SEMA3A: variants seen among roughly 807,000 people sequenced by gnomAD.
SEMA3A encodes the protein semaphorin-3A.
Under a neutral mutation model 97.9 loss-of-function variants are expected in SEMA3A, and 29 were observed. That is an observed-to-expected ratio of 0.30 (90% CI 0.22 to 0.40). The LOEUF is 0.40. Among genes scored for constraint, SEMA3A ranks in the 10% least tolerant of loss-of-function variants. SEMA3A has a pLI of 1.00. For synonymous variants in SEMA3A, 321 were observed against 323.7 expected (o/e 0.99, Z 0.09); for missense variants, 763 against 951.3 (o/e 0.80, Z 2.60).
intron 12 of SEMA3A, among the ~76,000 whole-genome samples, chr7:83,992,571 T>C (rs939948308): frequency 2.0e-5 from 3 of 152,000 alleles, no homozygotes; most frequent in African/African-American, 7.3e-5. Flanking sequence ...TTCATTTCCT[T>C]ATGTACCCAG....
At chr7:84,031,962 A>G (rs1791774579) in intron 6 of SEMA3A, among the ~76,000 whole-genome samples, 1 of 152,258 alleles carries the variant, frequency 6.6e-6, no homozygotes, top group Non-Finnish European at 1.5e-5. Flanking sequence ...AATTCCAGTA[A>G]CTGTTTTATT....
intron 1 of SEMA3A, among the ~76,000 whole-genome samples, chr7:84,177,770 CACA>C (rs1362579511): frequency 6.6e-6 from 1 of 152,062 alleles, no homozygotes; most frequent in East Asian, 1.9e-4. Context: ...AATTCCACCT[CACA>C]ACATCTTTTG....
chr7:84,326,984 C>T (rs1209470116), intron 2 of SEMA3A, among the ~76,000 whole-genome samples: 1 of 151,974 alleles, frequency 6.6e-6, no homozygotes, highest in African/African-American at 2.4e-5. Flanking sequence ...TCTAATTAAA[C>T]TTAAGAGCTT....
At chr7:84,195,294 A>C (rs1347598159), upstream of SEMA3A, 1 of 152,162 alleles carries the variant, frequency 6.6e-6, no homozygotes, top group African/African-American at 2.4e-5. Flanking sequence ...TTACTTCCCA[A>C]GGCAAGCGTT....
chr7:84,381,435 C>T (rs1163444699), intron 1 of SEMA3A, among the ~76,000 whole-genome samples: 1 of 152,144 alleles, frequency 6.6e-6, no homozygotes. Flanking sequence ...CTTGTTTTGT[C>T]CCCAGTCATC....
chr7:84,293,353 T>G (rs1800796273), intron 3 of SEMA3A, among the ~76,000 whole-genome samples: 1 of 152,026 alleles, frequency 6.6e-6, no homozygotes, highest in South Asian at 2.1e-4. Flanking sequence ...TATTTGCCTT[T>G]TGATTGATAT....
intron 1 of SEMA3A, among the ~76,000 whole-genome samples, chr7:84,479,668 A>C (rs1806392032): frequency 6.6e-6 from 1 of 152,182 alleles, no homozygotes; most frequent in South Asian, 2.1e-4. Context: ...ATAAACCTTA[A>C]AATTAATGTT....
chr7:84,230,910 C>T (rs1358562616), intron 3 of SEMA3A, among the ~76,000 whole-genome samples: 1 of 151,876 alleles, frequency 6.6e-6, no homozygotes, highest in Non-Finnish European at 1.5e-5. Context: ...CTAGCACTTC[C>T]CTGTTAGCAG....
At chr7:83,977,726 T>G (rs1367028854) in intron 14 of SEMA3A, among the ~76,000 whole-genome samples, 2 of 151,858 alleles carry the variant, frequency 1.3e-5, no homozygotes, top group Non-Finnish European at 2.9e-5. Context: ...ATATTAAGAC[T>G]AGAAATTCTA....
chr7:84,466,016 C>T (rs1805985138), intron 1 of SEMA3A, among the ~76,000 whole-genome samples: 1 of 152,114 alleles, frequency 6.6e-6, no homozygotes, highest in Non-Finnish European at 1.5e-5. Context: ...CTCAGGTATT[C>T]ATCACTCACT....
At chr7:84,263,069 A>G (rs1799898117) in intron 3 of SEMA3A, among the ~76,000 whole-genome samples, 1 of 152,260 alleles carries the variant, frequency 6.6e-6, no homozygotes, top group Admixed American at 6.5e-5. Context: ...AAAATAAATT[A>G]TGACATTCAT....
intron 1 of SEMA3A, among the ~76,000 whole-genome samples, chr7:84,396,926 G>A (rs556588190): frequency 6.6e-6 from 1 of 152,082 alleles, no homozygotes; most frequent in African/African-American, 2.4e-5. Flanking sequence ...ATTGGCATAT[G>A]TTACACATAA....
chr7:84,369,235 T>C (rs1303833511), intron 2 of SEMA3A, among the ~76,000 whole-genome samples: 1 of 151,054 alleles, frequency 6.6e-6, no homozygotes, highest in Non-Finnish European at 1.5e-5. Context: ...TGTATTTTAA[T>C]ATCCTGTGTT....
At chr7:84,459,100 TTCTTAC>T (rs1183018380) in intron 1 of SEMA3A, among the ~76,000 whole-genome samples, 6 of 152,192 alleles carry the variant, frequency 3.9e-5, no homozygotes, top group Admixed American at 3.9e-4. Context: ...TATAATTTTG[TTCTTAC>T]TCTATAAATA....
intron 1 of SEMA3A, among the ~76,000 whole-genome samples, chr7:84,191,445 C>T (rs1170713736): frequency 2.0e-5 from 3 of 151,660 alleles, no homozygotes; most frequent in East Asian, 1.9e-4. Context: ...TAGCCCCTTA[C>T]ATTGGATGAT....
intron 1 of SEMA3A, among the ~76,000 whole-genome samples, chr7:84,430,254 TGAGA>T (rs201240886): frequency 0.035 from 5,311 of 152,036 alleles, 136 homozygotes; most frequent in Non-Finnish European, 0.054. Flanking sequence ...CTTTAGTTAT[TGAGA>T]GAATAATTAA....
At chr7:84,383,294 A>G (rs542148961) in intron 1 of SEMA3A, among the ~76,000 whole-genome samples, 15 of 152,252 alleles carry the variant, frequency 9.9e-5, no homozygotes, top group Non-Finnish European at 2.1e-4. Context: ...AGTATAATGG[A>G]ATATTCTGAC....
chr7:84,482,143 C>A lies in SEMA3A; in HGVS notation c.-246+10317G>T, dbSNP rs548787001. 7.8e-4 allele frequency among the ~76,000 whole-genome samples: 117 copies of A among 150,684 alleles called. 2 individuals carry two copies. The South Asian group carries it at 0.024, about 31-fold the overall frequency. ...AATTCATCTATTTCAAACTTCTCATCGTATAAGTTAAAATATTGAGGTAGT... is the reference window on the plus strand; with the variant it reads ...AATTCATCTATTTCAAACTTCTCATAGTATAAGTTAAAATATTGAGGTAGT... On this transcript the variant is annotated intron_variant, in intron 1 of 3. Transcript: ENST00000424555.
At chr7:84,070,398 C>A (rs1793695087) in intron 4 of SEMA3A, among the ~76,000 whole-genome samples, 1 of 152,000 alleles carries the variant, frequency 6.6e-6, no homozygotes, top group South Asian at 2.1e-4. Context: ...AATTATAAAC[C>A]ATTGGTGACT....
Sources: allele counts gnomAD v4.1 joint callset (sites outside exome capture counted in the v4.1 genomes callset), GRCh38; gene constraint gnomAD v4.1.1; transcripts MANE v1.5; gene names NCBI Gene and HGNC (gene_info 2026-07-23, HGNC 2026-07-21).